The following COL21A1 variants were observed in gnomAD, a reference collection of about 807,000 sequenced individuals.
COL21A1 encodes collagen type XXI alpha 1 chain.
A neutral mutation model predicts 137.9 loss-of-function variants in COL21A1; 149 were observed. That is an observed-to-expected ratio of 1.08 (90% CI 0.95 to 1.24). The LOEUF is 1.24. Ranked by LOEUF, COL21A1 falls within the 50% of genes most tolerant of loss-of-function variation. The pLI is 0.00. For synonymous variants in COL21A1, 456 were observed against 391.5 expected, an observed-to-expected ratio of 1.16 and a Z score of -1.95; for missense variants, 1,167 against 1,158.4, an observed-to-expected ratio of 1.01 and a Z score of -0.11.
chr6:56,070,408 A>G (rs1197387500), intron 21 of COL21A1, among the ~76,000 whole-genome samples: 1 of 151,490 alleles, frequency 6.6e-6, no homozygotes, highest in East Asian at 1.9e-4. Flanking sequence ...GCAAACAAAG[A>G]ACAGTATCAT....
intron 1 of COL21A1, among the ~76,000 whole-genome samples, chr6:56,389,422 T>C (rs1188150989): frequency 2.7e-5 from 4 of 147,046 alleles, no homozygotes; most frequent in Non-Finnish European, 6.0e-5. Flanking sequence ...AAAAAAAGCA[T>C]GCCTACAACA....
intron 1 of COL21A1, among the ~76,000 whole-genome samples, chr6:56,363,633 G>A (rs576672641): frequency 1.3e-5 from 2 of 152,298 alleles, no homozygotes; most frequent in Admixed American, 1.3e-4. Context: ...CTGAGAGGGA[G>A]GTATTGGGTA....
intron 12 of COL21A1, among the ~76,000 whole-genome samples, chr6:56,129,676 G>A (rs2209414): frequency 0.029 from 1,024 of 35,594 alleles, 13 homozygotes; most frequent in African/African-American, 0.18. Context: ...ACGTGCGTGC[G>A]TGTGTGTGTG....
chr6:56,099,798 G>A (rs1383939216), intron 17 of COL21A1, among the ~76,000 whole-genome samples: 2 of 151,868 alleles, frequency 1.3e-5, no homozygotes, highest in African/African-American at 4.8e-5. Flanking sequence ...AGCAATTATG[G>A]CTCACATATG....
intron 1 of COL21A1, among the ~76,000 whole-genome samples, chr6:56,293,617 G>A (rs747320946): frequency 1.3e-5 from 2 of 152,038 alleles, no homozygotes; most frequent in Non-Finnish European, 2.9e-5. Flanking sequence ...TGAGATTATA[G>A]ATAAAAATCT....
intron 1 of COL21A1, among the ~76,000 whole-genome samples, chr6:56,369,133 C>CA (rs1003677427): frequency 6.6e-6 from 1 of 151,684 alleles, no homozygotes; most frequent in African/African-American, 2.4e-5. Context: ...TAACTATAGC[C>CA]AAAAGACAAA....
chr6:56,301,460 T>G (rs903692731), intron 1 of COL21A1, among the ~76,000 whole-genome samples: 1 of 152,164 alleles, frequency 6.6e-6, no homozygotes, highest in African/African-American at 2.4e-5. Flanking sequence ...ATGACCTATT[T>G]CAGACTCTGA....
chr6:56,273,048 C>T (rs770256706), intron 1 of COL21A1, among the ~76,000 whole-genome samples: 2 of 152,120 alleles, frequency 1.3e-5, no homozygotes, highest in Non-Finnish European at 2.9e-5. Context: ...GACCACAGCA[C>T]AATAAAAATA....
intron 16 of COL21A1, among the ~76,000 whole-genome samples, chr6:56,120,150 C>T (rs548962246): frequency 1.7e-4 from 26 of 152,272 alleles, no homozygotes; most frequent in African/African-American, 5.8e-4. Flanking sequence ...AACTACCCAT[C>T]TGACAAGAGA....
At chr6:56,082,285 ATCAG>A (rs1433576318) in intron 17 of COL21A1, among the ~76,000 whole-genome samples, 7 of 151,822 alleles carry the variant, frequency 4.6e-5, no homozygotes, top group Non-Finnish European at 8.8e-5. Flanking sequence ...ACCCCTTTAT[ATCAG>A]TAAGTGAAAT....
At chr6:56,348,072 G>A (rs532972138) in intron 1 of COL21A1, among the ~76,000 whole-genome samples, 1 of 152,292 alleles carries the variant, frequency 6.6e-6, no homozygotes, top group African/African-American at 2.4e-5. Context: ...TCACATGATT[G>A]TTGTGATTGG....
In COL21A1 at chr6:56,289,903, C is replaced by A. The variant is rs151080426; in HGVS notation, c.-39+104068G>T. ...TGCGGTTTTGGTTTTCCTGCCCAGC[C>A]CACAGCCACTGGGCTGGGCAGTTAT... On this transcript the variant is annotated intron_variant, in intron 1 of 28. Transcript: ENST00000370819. Among the ~76,000 whole-genome samples the A allele has an allele frequency of 5.5e-4, 83 of 152,206 alleles. 2 individuals carry two copies. In the East Asian group the frequency reaches 9.9e-3, roughly 18 times the overall value.
chr6:56,139,529 A>T (rs946991207), intron 12 of COL21A1, among the ~76,000 whole-genome samples: 2 of 152,100 alleles, frequency 1.3e-5, no homozygotes. Context: ...GTGTTTGGGC[A>T]TGGTGTTATC....
chr6:56,392,019 AC>A (rs936535467), intron 1 of COL21A1, among the ~76,000 whole-genome samples: 1 of 152,224 alleles, frequency 6.6e-6, no homozygotes, highest in African/African-American at 2.4e-5. Flanking sequence ...GGCCACTATT[AC>A]CCTCATATCA....
At chr6:56,351,864 C>A (rs1425008434) in intron 1 of COL21A1, among the ~76,000 whole-genome samples, 2 of 152,166 alleles carry the variant, frequency 1.3e-5, no homozygotes, top group African/African-American at 4.8e-5. Flanking sequence ...AGTCTTACAA[C>A]ATGATATGTT....
At chr6:56,180,625 G>GA (rs887497725) in intron 2 of COL21A1, among the ~76,000 whole-genome samples, 28 of 151,054 alleles carry the variant, frequency 1.9e-4, no homozygotes, top group African/African-American at 4.8e-4. Context: ...TCCTTTTGGG[G>GA]AAAAAAAAAT....
chr6:56,110,221 A>C (rs1771299584), intron 16 of COL21A1, among the ~76,000 whole-genome samples: 1 of 151,720 alleles, frequency 6.6e-6, no homozygotes, highest in African/African-American at 2.4e-5. Context: ...ATGAGAGGAA[A>C]ATTATATAAT....
At chr6:56,189,522 G>A (rs765403741) in intron 1 of COL21A1, among the ~76,000 whole-genome samples, 1 of 152,130 alleles carries the variant, frequency 6.6e-6, no homozygotes, top group African/African-American at 2.4e-5. Flanking sequence ...CAGGGAGAAT[G>A]GAACCAAGCT....
intron 1 of COL21A1, among the ~76,000 whole-genome samples, chr6:56,206,659 A>C (rs1779794491): frequency 6.8e-6 from 1 of 147,202 alleles, no homozygotes. Context: ...CATCTACAGA[A>C]CCCTCCACCC....
Sources: allele counts gnomAD v4.1 joint callset (sites outside exome capture counted in the v4.1 genomes callset), GRCh38; gene constraint gnomAD v4.1.1; transcripts MANE v1.5; gene names NCBI Gene and HGNC (gene_info 2026-07-23, HGNC 2026-07-21).